SEMA6D: variants seen among roughly 807,000 people sequenced by gnomAD.
SEMA6D encodes the protein semaphorin 6D, also known as semaphorin-6D.
SEMA6D carries 35 observed loss-of-function variants against 106.6 expected under a neutral mutation model. The ratio of observed to expected loss-of-function variants is 0.33; its 90% confidence interval spans 0.25 to 0.44. The LOEUF (loss-of-function observed/expected upper bound fraction) is 0.44, where lower values mean the gene tolerates loss of function less well. Ranked by LOEUF, SEMA6D falls within the 20% of genes least tolerant of loss-of-function variation. The pLI is 1.00. For missense variants in SEMA6D, 1,185 were observed against 1,345.9 expected, an observed-to-expected ratio of 0.88 and a Z score of 1.87; for synonymous variants, 499 against 487.7, an observed-to-expected ratio of 1.02 and a Z score of -0.31.
chr15:47,379,993 G>A (rs2039582902), intron 1 of SEMA6D, among the ~76,000 whole-genome samples: 1 of 152,034 alleles, frequency 6.6e-6, no homozygotes, highest in Non-Finnish European at 1.5e-5. Context: ...CGGACCTCAG[G>A]TAATCGCCTG....
intron 3 of SEMA6D, among the ~76,000 whole-genome samples, chr15:47,599,287 C>T (rs1343697036): frequency 6.6e-6 from 1 of 152,020 alleles, no homozygotes; most frequent in Non-Finnish European, 1.5e-5. Context: ...TGGTAACTCC[C>T]CTCACTTCAT....
chr15:47,375,077 C>T (rs1369255860), intron 1 of SEMA6D, among the ~76,000 whole-genome samples: 2 of 152,142 alleles, frequency 1.3e-5, no homozygotes, highest in Non-Finnish European at 2.9e-5. Flanking sequence ...ATATTTTGTT[C>T]GTATTGCTCC....
At chr15:47,609,490 C>T (rs1341250158) in intron 4 of SEMA6D, among the ~76,000 whole-genome samples, 1 of 152,106 alleles carries the variant, frequency 6.6e-6, no homozygotes, top group Non-Finnish European at 1.5e-5. Flanking sequence ...GGTACGTATT[C>T]GCTTAAGCTG....
At chr15:47,319,599 T>C (rs1020593777) in intron 1 of SEMA6D, among the ~76,000 whole-genome samples, 3 of 152,164 alleles carry the variant, frequency 2.0e-5, no homozygotes, top group African/African-American at 2.4e-5. Context: ...TGTGCCGGTG[T>C]TGGATATTTC....
intron 3 of SEMA6D, among the ~76,000 whole-genome samples, chr15:47,525,979 A>G (rs556603113): frequency 1.3e-5 from 2 of 152,340 alleles, no homozygotes; most frequent in South Asian, 4.1e-4. Flanking sequence ...AGCTCTCAGC[A>G]CCTGTTGGAG....
At chr15:47,426,015 A>G (rs1461093231) in intron 2 of SEMA6D, among the ~76,000 whole-genome samples, 1 of 152,060 alleles carries the variant, frequency 6.6e-6, no homozygotes, top group African/African-American at 2.4e-5. Flanking sequence ...AGCCTGTAAG[A>G]CACTCCTTAG....
chr15:47,559,003 T>C (rs1025652703), intron 3 of SEMA6D, among the ~76,000 whole-genome samples: 3 of 152,002 alleles, frequency 2.0e-5, no homozygotes, highest in Admixed American at 6.6e-5. Context: ...AAAGTGCTAA[T>C]AGATGAGAAA....
chr15:47,343,867 A>G (rs916401796), intron 1 of SEMA6D, among the ~76,000 whole-genome samples: 23 of 152,212 alleles, frequency 1.5e-4, no homozygotes, highest in Non-Finnish European at 2.9e-4. Context: ...TCCAGAATCT[A>G]CAATGAACTC....
chr15:47,581,834 T>C (rs1043363920), intron 3 of SEMA6D, among the ~76,000 whole-genome samples: 1 of 152,204 alleles, frequency 6.6e-6, no homozygotes, highest in African/African-American at 2.4e-5. Flanking sequence ...ATCTGAGGTC[T>C]AGAGAGTTTA....
intron 2 of SEMA6D, among the ~76,000 whole-genome samples, chr15:47,426,649 A>G (rs1406905026): frequency 6.7e-6 from 1 of 150,132 alleles, no homozygotes; most frequent in Non-Finnish European, 1.5e-5. Context: ...TCATTATCAT[A>G]TAATAGCACA....
chr15:47,667,900 A>G (rs1171121607), intron 4 of SEMA6D, among the ~76,000 whole-genome samples: 2 of 152,226 alleles, frequency 1.3e-5, no homozygotes, highest in African/African-American at 4.8e-5. Flanking sequence ...AGGTTCCCAG[A>G]GTCCTAGAGC....
chr15:47,422,853 AT>A (rs1198414748), intron 2 of SEMA6D, among the ~76,000 whole-genome samples: 1 of 152,088 alleles, frequency 6.6e-6, no homozygotes, highest in Non-Finnish European at 1.5e-5. Flanking sequence ...TCTCCAGAAT[AT>A]TTTTAATGGG....
Position 47,347,498 on chromosome 15 carries a change from C to G in SEMA6D, c.-238-64895C>G, listed in dbSNP as rs77651737. Among the ~76,000 whole-genome samples, 3 of 152,344 alleles carry G rather than the reference C, an allele frequency of 2.0e-5. No individual in the cohort carries two copies. In the East Asian group the frequency reaches 5.8e-4, roughly 29 times the overall value. ...CTGCTGGGCATCCATAATCACAGTG[C>G]AGGCACTAGAAAGCTGGAACTAACT... On this transcript the variant is annotated intron_variant, in intron 1 of 19. Coordinates refer to the SEMA6D transcript ENST00000558014.
chr15:47,422,180 G>GCCTGCCTGCCTTCCTT (rs1455030787), intron 2 of SEMA6D, among the ~76,000 whole-genome samples: 1,228 of 112,776 alleles, frequency 0.011, 23 homozygotes, highest in African/African-American at 0.018. Context: ...CCGCCTGCCT[G>GCCTGCCTGCCTTCCTT]CCTTCCTTCC....
At chr15:47,418,745 CTTCAGCAAGAGAGGA>C (rs1160403266) in intron 2 of SEMA6D, among the ~76,000 whole-genome samples, 1 of 151,992 alleles carries the variant, frequency 6.6e-6, no homozygotes, top group East Asian at 1.9e-4. Context: ...GCTTCAATTA[CTTCAGCAAGAGAGGA>C]TAGGGTCCTG....
intron 4 of SEMA6D, among the ~76,000 whole-genome samples, chr15:47,665,391 C>T (rs777710417): frequency 2.2e-4 from 33 of 152,128 alleles, no homozygotes; most frequent in Non-Finnish European, 4.6e-4. Context: ...CATTTCCCTT[C>T]CAGTCTTTCT....
intron 1 of SEMA6D, among the ~76,000 whole-genome samples, chr15:47,212,782 G>A (rs573229783): frequency 7.2e-5 from 11 of 152,256 alleles, no homozygotes; most frequent in East Asian, 1.9e-4. Context: ...ATATAGAGGC[G>A]TGGAAAGAGT....
In SEMA6D at chr15:47,408,703, GAC is replaced by G. The variant is rs147581707; in HGVS notation, c.-238-3684_-238-3683del. 1.2e-3 allele frequency among the ~76,000 whole-genome samples: 178 copies of G among 152,354 alleles called. 1 individual carries two copies. The highest frequency in any genetic ancestry group is 1.8e-3 in the Non-Finnish European group (122 of 68,030). Reference sequence around the variant, plus strand: ...AATAGGTATTGACACAATGAGGAAAGACACACAGAGCCTGATGCTGTTAGGTT... The same window carrying G: ...AATAGGTATTGACACAATGAGGAAAGACACAGAGCCTGATGCTGTTAGGTT... On this transcript the variant is annotated intron_variant, in intron 1 of 19. Transcript: ENST00000558014.
In SEMA6D at chr15:47,489,742, C is replaced by T. The variant is rs1338232395; in HGVS notation, c.-87+19197C>T. On this transcript the variant is annotated intron_variant, in intron 3 of 19. Coordinates refer to the SEMA6D transcript ENST00000558014. ...TCTTGGCTCGCTGCAACCTCCGCCT[C>T]CCAGGTTCAAGCGATTCTCCTGCCT... Among the ~76,000 whole-genome samples, 3 of 152,044 alleles carry T rather than the reference C, an allele frequency of 2.0e-5. No individual in the cohort carries two copies. In the East Asian group the frequency reaches 5.8e-4, roughly 29 times the overall value.
Sources: gnomAD v4.1 joint callset for allele counts (sites outside exome capture counted in the v4.1 genomes callset) on GRCh38, gnomAD v4.1.1 for gene constraint, MANE v1.5 for transcripts, NCBI Gene and HGNC (gene_info 2026-07-23, HGNC 2026-07-21) for gene names.